The following ARHGAP5 variants were observed in gnomAD, a reference collection of about 807,000 sequenced individuals.
The protein encoded by ARHGAP5 is Rho GTPase activating protein 5, also known as rho GTPase-activating protein 5.
ARHGAP5 carries 23 observed loss-of-function variants against 116.6 expected under a neutral mutation model. The ratio of observed to expected loss-of-function variants is 0.20; its 90% confidence interval spans 0.14 to 0.28. The LOEUF (loss-of-function observed/expected upper bound fraction) is 0.28. Ranked by LOEUF, ARHGAP5 falls within the 10% of genes least tolerant of loss-of-function variation. The pLI is 1.00. For synonymous variants in ARHGAP5, 574 were observed against 602.0 expected, an observed-to-expected ratio of 0.95 and a Z score of 0.68; for missense variants, 1,405 against 1,774.8, an observed-to-expected ratio of 0.79 and a Z score of 3.74.
At chr14:32,134,512 C>G (rs1032158738) in intron 3 of ARHGAP5, among the ~76,000 whole-genome samples, 1 of 152,160 alleles carries the variant, frequency 6.6e-6, no homozygotes, top group African/African-American at 2.4e-5. Context: ...TCTCACTTCA[C>G]TTAGCTTAAG....
intron 2 of ARHGAP5, among the ~76,000 whole-genome samples, chr14:32,111,153 G>A (rs1047389361): frequency 6.6e-6 from 1 of 152,200 alleles, no homozygotes; most frequent in African/African-American, 2.4e-5. Flanking sequence ...TGTAATTCCA[G>A]CACTTTGGGG....
chr14:32,112,416 T>C (rs954400097), intron 2 of ARHGAP5, among the ~76,000 whole-genome samples: 1 of 152,216 alleles, frequency 6.6e-6, no homozygotes, highest in African/African-American at 2.4e-5. Context: ...AATGAGAGTT[T>C]TTAATATGTT....
chr14:32,145,013 T>C (rs1481158012), intron 3 of ARHGAP5, among the ~76,000 whole-genome samples: 1 of 152,210 alleles, frequency 6.6e-6, no homozygotes, highest in Non-Finnish European at 1.5e-5. Context: ...TTTATTATTG[T>C]ATCTCATAGA....
chr14:32,100,984 C>T (rs772518801), intron 2 of ARHGAP5, among the ~76,000 whole-genome samples: 1 of 152,040 alleles, frequency 6.6e-6, no homozygotes, highest in Non-Finnish European at 1.5e-5. Context: ...TTATTTTTAG[C>T]TTGATTAAGA....
Position 32,091,479 on chromosome 14 carries a change from C to A in ARHGAP5, c.810C>A (p.Val270=). 6.2e-7 allele frequency: 1 copy of A among 1,613,016 alleles called. No individual in the cohort carries two copies. The highest frequency in any genetic ancestry group is 1.1e-5 in the South Asian group (1 of 90,818). ...ATAAAACACAGAGACAACTTGTTGT[C>A]ACAGCAACAGATAAGTTTGAAAAAC... The part of the protein sequence containing the change: ...DAYKTQRQLV[V]TATDKFEKLV... Residue 270 remains valine, a synonymous_variant, in exon 2 of 7, where the codon GTC becomes GTA. Transcript: ENST00000345122.
At chr14:32,104,754 T>A (rs1043862405) in intron 2 of ARHGAP5, among the ~76,000 whole-genome samples, 1 of 152,234 alleles carries the variant, frequency 6.6e-6, no homozygotes, top group African/African-American at 2.4e-5. Context: ...TGTTTCTCAG[T>A]CTTGAGTCGT....
intron 3 of ARHGAP5, among the ~76,000 whole-genome samples, chr14:32,136,821 T>C (rs1015835269): frequency 5.3e-5 from 8 of 152,328 alleles, no homozygotes; most frequent in Non-Finnish European, 5.9e-5. Context: ...GTGATTTTGA[T>C]TTCCATTTCC....
At chr14:32,150,928 C>A (rs186635242) in intron 5 of ARHGAP5, among the ~76,000 whole-genome samples, 52 of 152,340 alleles carry the variant, frequency 3.4e-4, no homozygotes, top group African/African-American at 1.1e-3. Flanking sequence ...GCATCAGTTT[C>A]ATCCACATGA....
At position 32,158,273 on chromosome 14, in the gene ARHGAP5, T is replaced by C. The variant is rs879106840; in HGVS notation, c.*3325T>C. ...ATTAAGGAGATGTATTATTGAATTT[T>C]CACTGTACCTGAAAAGGAGATTCAA... On this transcript the variant is annotated 3_prime_UTR_variant, in exon 7 of 7. Coordinates refer to ENST00000345122, the MANE Select transcript of ARHGAP5 (RefSeq NM_001030055.2). The C allele has an allele frequency of 4.6e-5, 7 of 151,832 alleles. No individual in the cohort carries two copies. The highest frequency in any genetic ancestry group is 1.7e-4 in the African/African-American group (7 of 41,448). The allele number at this position is 151,832 out of a possible 1,614,324, so 9.4% of individuals were successfully genotyped here. A position where few individuals can be genotyped will look rare whatever the true frequency, so the allele number is the denominator to read the frequency against.
intron 3 of ARHGAP5, among the ~76,000 whole-genome samples, chr14:32,124,710 G>A (rs116619250): frequency 0.011 from 1,642 of 152,224 alleles, 25 homozygotes; most frequent in African/African-American, 0.037. Context: ...TAAATCTTCC[G>A]AGGTGCCTGT....
chr14:32,126,628 A>G (rs1196426675), intron 3 of ARHGAP5, among the ~76,000 whole-genome samples: 2 of 152,062 alleles, frequency 1.3e-5, no homozygotes, highest in African/African-American at 4.8e-5. Flanking sequence ...ACAAAATTCA[A>G]CTCATAATAC....
chr14:32,115,539 A>C (rs1217953585), intron 2 of ARHGAP5, among the ~76,000 whole-genome samples: 2 of 151,294 alleles, frequency 1.3e-5, no homozygotes, highest in Admixed American at 6.6e-5. Flanking sequence ...GGTGGCGGGC[A>C]CCAGTAGTCC....
intron 3 of ARHGAP5, among the ~76,000 whole-genome samples, chr14:32,127,639 C>G (rs567681985): frequency 1.3e-5 from 2 of 152,212 alleles, no homozygotes; most frequent in Non-Finnish European, 2.9e-5. Context: ...CTTTTCTATT[C>G]GACAAAACCG....
At chr14:32,098,195 A>G (rs1222730746) in intron 2 of ARHGAP5, among the ~76,000 whole-genome samples, 2 of 152,208 alleles carry the variant, frequency 1.3e-5, no homozygotes, top group Non-Finnish European at 2.9e-5. Flanking sequence ...GGTAGTGTGT[A>G]TGCTCATTCT....
intron 3 of ARHGAP5, among the ~76,000 whole-genome samples, chr14:32,142,082 A>G (rs1328169783): frequency 6.6e-6 from 1 of 152,056 alleles, no homozygotes; most frequent in Non-Finnish European, 1.5e-5. Context: ...CAATTGCAGA[A>G]TTTCTTTTTA....
chr14:32,136,965 C>T (rs528026353), intron 3 of ARHGAP5, among the ~76,000 whole-genome samples: 3 of 151,500 alleles, frequency 2.0e-5, no homozygotes, highest in African/African-American at 4.8e-5. Flanking sequence ...TAAGTTGATT[C>T]CTAGTACTGG....
chr14:32,139,785 G>A (rs985914722), intron 3 of ARHGAP5, among the ~76,000 whole-genome samples: 1 of 150,448 alleles, frequency 6.6e-6, no homozygotes, highest in Admixed American at 6.6e-5. Context: ...CTTAAAGTTG[G>A]AATCTTTTTA....
chr14:32,102,746 C>T (rs1305936678), intron 2 of ARHGAP5, among the ~76,000 whole-genome samples: 1 of 152,174 alleles, frequency 6.6e-6, no homozygotes, highest in African/African-American at 2.4e-5. Flanking sequence ...CAGTTGAAGT[C>T]AGCATAAATG....
chr14:32,140,422 A>G (rs915465229), intron 3 of ARHGAP5, among the ~76,000 whole-genome samples: 1 of 144,612 alleles, frequency 6.9e-6, no homozygotes, highest in Non-Finnish European at 1.5e-5. Context: ...TCGACTAAAA[A>G]TACAAAAAAA....
Sources: gnomAD v4.1 joint callset for allele counts (sites outside exome capture counted in the v4.1 genomes callset) on GRCh38, gnomAD v4.1.1 for gene constraint, MANE v1.5 for transcripts, NCBI Gene and HGNC (gene_info 2026-07-23, HGNC 2026-07-21) for gene names.